The following MAPK10 variants were observed in gnomAD, a reference collection of about 807,000 sequenced individuals.
MAPK10 encodes the protein JNK3 alpha protein kinase.
In MAPK10, 25 loss-of-function variants were observed where a neutral mutation model predicts 59.3. That is an observed-to-expected ratio of 0.42 (90% CI 0.31 to 0.59). The LOEUF is 0.59. Ranked by LOEUF, MAPK10 falls within the 20% of genes least tolerant of loss-of-function variation. MAPK10 has a pLI of 0.15. For missense variants in MAPK10, 351 were observed against 568.9 expected (o/e 0.62, Z 3.90); for synonymous variants, 190 against 200.5 (o/e 0.95, Z 0.44).
chr4:86,156,581 A>T (rs534564085), intron 4 of MAPK10, among the ~76,000 whole-genome samples: 3 of 151,990 alleles, frequency 2.0e-5, no homozygotes, highest in Non-Finnish European at 4.4e-5. Flanking sequence ...TGCTAAACTT[A>T]GTTGTTAACT....
At chr4:86,170,649 A>T (rs1021690918) in intron 3 of MAPK10, among the ~76,000 whole-genome samples, 1 of 152,076 alleles carries the variant, frequency 6.6e-6, no homozygotes, top group Non-Finnish European at 1.5e-5. Flanking sequence ...CCCACTGTCA[A>T]CATTAGACAG....
intron 1 of MAPK10, among the ~76,000 whole-genome samples, chr4:86,567,952 T>C (rs1761177058): frequency 6.6e-6 from 1 of 152,066 alleles, no homozygotes; most frequent in South Asian, 2.1e-4. Flanking sequence ...GCTAGAGCAA[T>C]CAGGCAAGAG....
At chr4:86,042,956 C>G (rs2041863671) in intron 11 of MAPK10, among the ~76,000 whole-genome samples, 1 of 152,052 alleles carries the variant, frequency 6.6e-6, no homozygotes, top group South Asian at 2.1e-4. Context: ...TCTCATTATC[C>G]AGATGAAAAC....
intron 4 of MAPK10, among the ~76,000 whole-genome samples, chr4:86,137,860 C>T (rs2062612859): frequency 2.7e-5 from 4 of 150,004 alleles, no homozygotes; most frequent in Admixed American, 6.6e-5. Context: ...GATATCACCA[C>T]CGATCCCACA....
intron 2 of MAPK10, chr4:86,300,944 T>A (rs769440545): frequency 6.6e-6 from 1 of 150,642 alleles, no homozygotes; most frequent in Non-Finnish European, 1.5e-5. Flanking sequence ...GAGGGAACAG[T>A]TCCAAAAAGG....
In MAPK10 at chr4:86,404,351, G is replaced by A. The variant is rs377455496; in HGVS notation, c.-122+48679C>T. On this transcript the variant is annotated intron_variant, in intron 1 of 13. Transcript: ENST00000361569. ...CTCAAATCTCCTCTTACAATTAACC[G>A]TTCCTGTGAAAATTACTCCCTAAGG... Among the ~76,000 whole-genome samples, 253 of 152,184 alleles carry A rather than the reference G, an allele frequency of 1.7e-3. 2 individuals carry two copies. Among genetic ancestry groups the A allele is most frequent in the Admixed American group, 4.1e-3 (62 of 15,300 alleles).
At chr4:86,073,991 G>A (rs1355305742) in intron 9 of MAPK10, among the ~76,000 whole-genome samples, 1 of 97,504 alleles carries the variant, frequency 1.0e-5, no homozygotes, top group African/African-American at 4.7e-5. Context: ...GTTGACAGTG[G>A]GGTGTTAAAG....
intron 2 of MAPK10, among the ~76,000 whole-genome samples, chr4:86,266,962 GA>G (rs1163540549): frequency 1.3e-5 from 2 of 152,010 alleles, no homozygotes; most frequent in African/African-American, 4.8e-5. Context: ...TGGTGGTATA[GA>G]TATGTATTTA....
At position 86,544,994 on chromosome 4, in the gene MAPK10, A is replaced by G. The variant is rs890377074; in HGVS notation, c.-263+48916T>C. Among the ~76,000 whole-genome samples, 6 of 152,310 alleles carry G rather than the reference A, an allele frequency of 3.9e-5. No homozygotes were observed. The East Asian group carries it at 1.2e-3, about 29-fold the overall frequency. ...GGAAGGGAGGGACGGCAAGAAGGAAAGAAGAGAGGAAGGAAGAAAGCAATG... is the reference window on the plus strand; with the variant it reads ...GGAAGGGAGGGACGGCAAGAAGGAAGGAAGAGAGGAAGGAAGAAAGCAATG... On this transcript the variant is annotated intron_variant, in intron 1 of 4. Coordinates refer to the MAPK10 transcript ENST00000502302.
chr4:86,341,055 G>A (rs1336096679), intron 2 of MAPK10, among the ~76,000 whole-genome samples: 1 of 152,168 alleles, frequency 6.6e-6, no homozygotes, highest in Admixed American at 6.5e-5. Flanking sequence ...CACAGGGAGA[G>A]ATGGTGGCTG....
chr4:86,431,606 C>T (rs1047851860), intron 1 of MAPK10, among the ~76,000 whole-genome samples: 2 of 152,210 alleles, frequency 1.3e-5, no homozygotes, highest in African/African-American at 4.8e-5. Flanking sequence ...AGCTTTACTC[C>T]TTGTTAAAGT....
At chr4:86,090,668 TA>T (rs1187723309) in intron 9 of MAPK10, 1 of 152,192 alleles carries the variant, frequency 6.6e-6, no homozygotes, top group Non-Finnish European at 1.5e-5. Context: ...AAAACATATT[TA>T]TTTTTAAATT....
intron 2 of MAPK10, among the ~76,000 whole-genome samples, chr4:86,238,958 T>C (rs2092500845): frequency 6.6e-6 from 1 of 152,348 alleles, no homozygotes; most frequent in South Asian, 2.1e-4. Context: ...CTTTTGCCCA[T>C]TCAGTATGAT....
intron 1 of MAPK10, among the ~76,000 whole-genome samples, chr4:86,495,891 A>AT (rs1754832698): frequency 6.6e-6 from 1 of 152,116 alleles, no homozygotes; most frequent in Non-Finnish European, 1.5e-5. Context: ...TCCAGGCTGA[A>AT]TTTTTTTGCA....
chr4:86,419,256 C>T (rs954144944), intron 1 of MAPK10, among the ~76,000 whole-genome samples: 9 of 152,132 alleles, frequency 5.9e-5, no homozygotes, highest in Non-Finnish European at 1.3e-4. Flanking sequence ...CATATCTCTA[C>T]GTGTTTTTAT....
At chr4:86,320,107 C>G (rs1432325983) in intron 2 of MAPK10, among the ~76,000 whole-genome samples, 1 of 152,206 alleles carries the variant, frequency 6.6e-6, no homozygotes, top group Non-Finnish European at 1.5e-5. Flanking sequence ...GAGTCTAGTT[C>G]TGTTACTAAG....
chr4:86,015,007 TTAAAAAAAAA>T lies in MAPK10; in HGVS notation c.*2211_*2220del, dbSNP rs1311219789. 7.8e-6 allele frequency: 1 copy of T among 128,014 alleles called. No homozygotes were observed. Among genetic ancestry groups the T allele is most frequent in the African/African-American group, 3.4e-5 (1 of 29,070 alleles). 7.9% of individuals were successfully genotyped at this position (128,014 alleles called of 1,614,324 possible). A position where few individuals can be genotyped will look rare whatever the true frequency, so the allele number is the denominator to read the frequency against. ...TTAGAGATACAGAGAGGAGAAGTTT[TTAAAAAAAAA>T]AAAAAAAAACAGGAATATGAAAGAG... is the stretch of plus-strand genomic sequence containing the variant. On this transcript the variant is annotated 3_prime_UTR_variant, in exon 14 of 14. Transcript: ENST00000641462.
At chr4:86,280,078 A>G (rs2094738772) in intron 2 of MAPK10, among the ~76,000 whole-genome samples, 1 of 152,196 alleles carries the variant, frequency 6.6e-6, no homozygotes, top group Admixed American at 6.6e-5. Flanking sequence ...TAAGTCCTCA[A>G]AAGCATTGCA....
chr4:86,514,789 G>C (rs1756533881), intron 1 of MAPK10, among the ~76,000 whole-genome samples: 1 of 152,152 alleles, frequency 6.6e-6, no homozygotes, highest in South Asian at 2.1e-4. Context: ...TGTATTATTT[G>C]TGTAATTCAT....
Sources: gnomAD v4.1 joint callset for allele counts (sites outside exome capture counted in the v4.1 genomes callset) on GRCh38, gnomAD v4.1.1 for gene constraint, MANE v1.5 for transcripts, NCBI Gene and HGNC (gene_info 2026-07-23, HGNC 2026-07-21) for gene names.